The following MBOAT2 variants were observed in gnomAD, a reference collection of about 807,000 sequenced individuals.
MBOAT2 encodes membrane bound glycerophospholipid O-acyltransferase 2, also known as membrane-bound glycerophospholipid O-acyltransferase 2.
In MBOAT2, 28 loss-of-function variants were observed where a neutral mutation model predicts 63.4. The observed-to-expected ratio is 0.44, with a 90% CI of 0.33 to 0.61. The LOEUF is 0.61. MBOAT2 is among the 20% of genes least tolerant of loss of function. The pLI is 0.03. For synonymous variants in MBOAT2, 211 were observed against 215.6 expected (o/e 0.98, Z 0.19); for missense variants, 470 against 605.8 (o/e 0.78, Z 2.35).
intron 3 of MBOAT2, among the ~76,000 whole-genome samples, chr2:8,942,366 A>G (rs753585532): frequency 2.6e-5 from 4 of 152,238 alleles, no homozygotes; most frequent in Non-Finnish European, 5.9e-5. Flanking sequence ...GACATTGCAG[A>G]ACACCCAGCA....
intron 4 of MBOAT2, among the ~76,000 whole-genome samples, chr2:8,904,312 T>TA (rs201380914): frequency 0.022 from 3,044 of 140,302 alleles, 113 homozygotes; most frequent in African/African-American, 0.088. Flanking sequence ...TGTTTTTATT[T>TA]TTTATTTTTT....
chr2:8,980,459 T>C (rs1671119863), intron 1 of MBOAT2, among the ~76,000 whole-genome samples: 1 of 152,130 alleles, frequency 6.6e-6, no homozygotes, highest in Non-Finnish European at 1.5e-5. Context: ...TCTGCACTTG[T>C]AGATTATGAG....
chr2:8,858,212 A>T lies in MBOAT2; in HGVS notation c.*467T>A, dbSNP rs1460287069. The T allele has an allele frequency of 6.5e-6, 1 of 153,936 alleles. No homozygotes were observed. The highest frequency in any genetic ancestry group is 1.5e-5 in the Non-Finnish European group (1 of 68,910). The allele number at this position is 153,936 out of a possible 1,614,324, so 9.5% of individuals were successfully genotyped here. On this transcript the variant is annotated 3_prime_UTR_variant, in exon 13 of 13. Transcript: ENST00000305997. ...CTCCTAAAATCCTTTACAGCACACAACATCAACTACTGCAGTAGCGTTCTC... is the reference window on the plus strand; with the variant it reads ...CTCCTAAAATCCTTTACAGCACACATCATCAACTACTGCAGTAGCGTTCTC...
At chr2:8,926,021 T>C (rs1666907953) in intron 3 of MBOAT2, among the ~76,000 whole-genome samples, 1 of 152,220 alleles carries the variant, frequency 6.6e-6, no homozygotes, top group Non-Finnish European at 1.5e-5. Context: ...ACTTGGATAA[T>C]GTGACAAAGC....
chr2:8,864,536 C>T (rs11892541), intron 9 of MBOAT2, among the ~76,000 whole-genome samples: 12,594 of 152,136 alleles, frequency 0.083, 851 homozygotes, highest in African/African-American at 0.19. Context: ...TGTACAAATG[C>T]CTTTTGATGG....
At position 9,002,739 on chromosome 2, in the gene MBOAT2, T is replaced by C. The variant is rs571945915; in HGVS notation, c.75+801A>G. On this transcript the variant is annotated intron_variant, in intron 1 of 12. Transcript: ENST00000305997. ...CATCACAATGCTGTTTATTTCTCAG[T>C]AATCGTTAGGCCCTTTAAACCATCA... Among the ~76,000 whole-genome samples the C allele has an allele frequency of 3.9e-5, 6 of 152,256 alleles. No individual in the cohort carries two copies. In the South Asian group the frequency reaches 1.0e-3, roughly 26 times the overall value.
Position 9,003,177 on chromosome 2 carries a change from C to T in MBOAT2, c.75+363G>A, listed in dbSNP as rs1013865435. ...CACCCTTTCCACAACCCGGTCCATG[C>T]GCACCGGGGGCTGCTCCGGGACCCG... On this transcript the variant is annotated intron_variant, in intron 1 of 12. Coordinates refer to ENST00000305997, the MANE Select transcript of MBOAT2 (RefSeq NM_138799.4). The surrounding 1 kb of genome is among the most constrained non-coding windows in gnomAD (Gnocchi z 5.4). Among the ~76,000 whole-genome samples, 1 of 152,160 alleles carries T rather than the reference C, an allele frequency of 6.6e-6. No individual in the cohort carries two copies. The highest frequency in any genetic ancestry group is 6.5e-5 in the Admixed American group (1 of 15,290).
rs779686630 is a variant in MBOAT2 at position 8,864,251 on chromosome 2, C to A, written c.988-17G>T. ...TGTTGACATCTGAAAAAAAAGGAAA[C>A]TTTTTTCTTTGTGTCACAAAATAAT... is the stretch of plus-strand genomic sequence containing the variant. On this transcript the variant is annotated splice_polypyrimidine_tract_variant and intron_variant, in intron 9 of 12. Coordinates refer to ENST00000305997, the MANE Select transcript of MBOAT2 (RefSeq NM_138799.4). 6.7e-7 allele frequency: 1 copy of A among 1,502,014 alleles called. No homozygotes were observed. The highest frequency in any genetic ancestry group is 9.0e-7 in the Non-Finnish European group (1 of 1,113,342). The allele number at this position is 1,502,014 out of a possible 1,614,324, so 93.0% of individuals were successfully genotyped here.
At chr2:8,936,356 G>A (rs975721590) in intron 3 of MBOAT2, among the ~76,000 whole-genome samples, 2 of 152,156 alleles carry the variant, frequency 1.3e-5, no homozygotes, top group African/African-American at 2.4e-5. Flanking sequence ...TCAAATTGGT[G>A]GGCAGCTGAA....
At chr2:8,916,758 G>A (rs1666212779) in intron 3 of MBOAT2, among the ~76,000 whole-genome samples, 1 of 152,208 alleles carries the variant, frequency 6.6e-6, no homozygotes, top group South Asian at 2.1e-4. Context: ...TAAAAGGCTT[G>A]CACATTTGAA....
At chr2:8,947,719 C>T (rs4569448) in intron 2 of MBOAT2, among the ~76,000 whole-genome samples, 1 of 152,148 alleles carries the variant, frequency 6.6e-6, no homozygotes, top group South Asian at 2.1e-4. Context: ...AGCCCCTTGT[C>T]GAGATCCATT....
In MBOAT2 at chr2:8,896,233, C is replaced by T. The variant is rs1236799752; in HGVS notation, c.396-8160G>A. Among the ~76,000 whole-genome samples, 18 of 130,772 alleles carry T rather than the reference C, an allele frequency of 1.4e-4. 1 individual carries two copies. The highest frequency in any genetic ancestry group is 2.5e-4 in the Admixed American group (3 of 11,952). The allele number at this position is 130,772 out of a possible 152,430, so 85.8% of individuals were successfully genotyped here. A position where few individuals can be genotyped will look rare whatever the true frequency, so the allele number is the denominator to read the frequency against. On this transcript the variant is annotated intron_variant, in intron 4 of 12. Transcript: ENST00000305997. ...CAGCCTGGGTGACAGAGTGAGACTC[C>T]GTCTCAAAAAAAAAAAAAAAAAAAA...
At chr2:8,972,200 C>T (rs1036280659) in intron 1 of MBOAT2, among the ~76,000 whole-genome samples, 20 of 152,130 alleles carry the variant, frequency 1.3e-4, no homozygotes, top group African/African-American at 4.6e-4. Flanking sequence ...ACAGAGCCCT[C>T]AGAAATAATA....
intron 8 of MBOAT2, among the ~76,000 whole-genome samples, chr2:8,870,240 A>T (rs1662216636): frequency 6.6e-6 from 1 of 152,186 alleles, no homozygotes; most frequent in African/African-American, 2.4e-5. Context: ...TTTTGAGGTG[A>T]TAAGGAGAAA....
intron 1 of MBOAT2, among the ~76,000 whole-genome samples, chr2:8,982,198 G>A (rs1204211379): frequency 6.6e-6 from 1 of 152,114 alleles, no homozygotes; most frequent in Non-Finnish European, 1.5e-5. Context: ...GTCAACTCGT[G>A]ATTTACCACA....
chr2:8,931,336 A>C (rs1326204658), intron 3 of MBOAT2, among the ~76,000 whole-genome samples: 2 of 152,160 alleles, frequency 1.3e-5, no homozygotes, highest in Non-Finnish European at 2.9e-5. Context: ...TCTTTTGAGA[A>C]GTGTCAGTAC....
chr2:8,987,559 G>C (rs1323150575), intron 1 of MBOAT2, among the ~76,000 whole-genome samples: 1 of 152,150 alleles, frequency 6.6e-6, no homozygotes, highest in Non-Finnish European at 1.5e-5. Flanking sequence ...TTTTGCTCTG[G>C]AATCTGGAAT....
chr2:8,866,540 C>T (rs565345530), intron 9 of MBOAT2, among the ~76,000 whole-genome samples: 1 of 152,268 alleles, frequency 6.6e-6, no homozygotes, highest in South Asian at 2.1e-4. Context: ...GCAATTAGTT[C>T]AGAATATATG....
chr2:8,860,596 T>G lies in MBOAT2; in HGVS notation c.1337+17A>C. The G allele has an allele frequency of 6.2e-6, 10 of 1,607,606 alleles. No homozygotes were observed. The highest frequency in any genetic ancestry group is 8.5e-6 in the Non-Finnish European group (10 of 1,178,242). ...TAGAGTTATTCCCACTGACAAAGTT[T>G]TAAGAGTAACACTTACCTGTAAAAC... On this transcript the variant is annotated intron_variant, in intron 12 of 12. Coordinates refer to ENST00000305997, the MANE Select transcript of MBOAT2 (RefSeq NM_138799.4).
Sources: gnomAD v4.1 joint callset for allele counts (sites outside exome capture counted in the v4.1 genomes callset) on GRCh38, gnomAD v4.1.1 for gene constraint, Gnocchi (gnomAD v3.1) non-coding constraint, MANE v1.5 for transcripts, NCBI Gene and HGNC (gene_info 2026-07-23, HGNC 2026-07-21) for gene names.